Variants in SIK3 observed in about 807,000 individuals in gnomAD.
SIK3 encodes the protein SIK family kinase 3.
In SIK3, 28 loss-of-function variants were observed where a neutral mutation model predicts 144.2. That is an observed-to-expected ratio of 0.19 (90% CI 0.14 to 0.27). The LOEUF is 0.27. Among genes scored for constraint, SIK3 ranks in the 10% least tolerant of loss-of-function variants. The pLI is 1.00. For synonymous variants in SIK3, 686 were observed against 676.3 expected, an observed-to-expected ratio of 1.01 and a Z score of -0.22; for missense variants, 1,319 against 1,776.0, an observed-to-expected ratio of 0.74 and a Z score of 4.62.
chr11:116,954,147 T>C, intron 2 of SIK3, 40 bp from the exon 3 acceptor site: 1 of 1,547,410 alleles, frequency 6.5e-7, no homozygotes, highest in Non-Finnish European at 8.9e-7. Flanking sequence ...GTGACACAAA[T>C]GACAGGCTGA....
chr11:117,001,220 C>T (rs1310468732), intron 1 of SIK3, among the ~76,000 whole-genome samples: 2 of 152,168 alleles, frequency 1.3e-5, no homozygotes, highest in Non-Finnish European at 2.9e-5. Context: ...AAAAAGTAAT[C>T]TGAGGCCAGG....
At chr11:116,862,176 G>A in intron 17 of SIK3, 26 bp downstream of exon 17, 1 of 1,614,136 alleles carries the variant, frequency 6.2e-7, no homozygotes, top group Non-Finnish European at 8.5e-7. Context: ...CAAACAAGTT[G>A]GAGAAAGCAA....
intron 1 of SIK3, among the ~76,000 whole-genome samples, chr11:116,997,531 T>A (rs975905410): frequency 6.6e-6 from 1 of 152,230 alleles, no homozygotes; most frequent in Admixed American, 6.5e-5. Flanking sequence ...ATAAAAGGAA[T>A]AAAATATACA....
chr11:116,917,511 C>A (rs559747436), intron 4 of SIK3, among the ~76,000 whole-genome samples: 118 of 152,072 alleles, frequency 7.8e-4, no homozygotes, highest in African/African-American at 2.8e-3. Context: ...AAGTTCAGGA[C>A]CAGCCTGAGC....
At chr11:116,986,698 A>G (rs994708536) in intron 1 of SIK3, among the ~76,000 whole-genome samples, 1 of 152,228 alleles carries the variant, frequency 6.6e-6, no homozygotes, top group East Asian at 1.9e-4. Context: ...TATTGTCATC[A>G]TCCTCAAACA....
intron 1 of SIK3, among the ~76,000 whole-genome samples, chr11:117,084,260 GT>G (rs930067933): frequency 1.4e-4 from 21 of 151,922 alleles, no homozygotes; most frequent in Admixed American, 6.6e-4. Context: ...AAGTTTTTTG[GT>G]TTTTTTGTGG....
chr11:116,953,695 C>CA (rs1409717275), intron 3 of SIK3, among the ~76,000 whole-genome samples: 8 of 152,256 alleles, frequency 5.3e-5, no homozygotes, highest in Admixed American at 5.2e-4. Context: ...CAGAGGCCCA[C>CA]ACACTTGTGT....
At chr11:116,957,444 T>A (rs547901973) in intron 1 of SIK3, among the ~76,000 whole-genome samples, 4 of 152,230 alleles carry the variant, frequency 2.6e-5, no homozygotes, top group South Asian at 2.1e-4. Context: ...AAATAAAAAA[T>A]TTTTAAAAAG....
chr11:116,989,061 G>A (rs970526922), intron 1 of SIK3, among the ~76,000 whole-genome samples: 25 of 152,124 alleles, frequency 1.6e-4, no homozygotes, highest in African/African-American at 6.0e-4. Context: ...TGTATTTGGT[G>A]GTAATAATGG....
chr11:117,097,846 C>A (rs1171098287), intron 1 of SIK3, among the ~76,000 whole-genome samples: 1 of 152,084 alleles, frequency 6.6e-6, no homozygotes, highest in Non-Finnish European at 1.5e-5. Flanking sequence ...GTTCCGACCC[C>A]TTCTTTCCAA....
chr11:117,078,005 T>G (rs1440378023), intron 1 of SIK3, among the ~76,000 whole-genome samples: 2 of 152,188 alleles, frequency 1.3e-5, no homozygotes, highest in Non-Finnish European at 2.9e-5. Context: ...ACAGAATGGG[T>G]AATCATGTGA....
chr11:116,975,037 C>T (rs1949896830), intron 1 of SIK3, among the ~76,000 whole-genome samples: 1 of 152,040 alleles, frequency 6.6e-6, no homozygotes, highest in African/African-American at 2.4e-5. Flanking sequence ...GTTAAAGATA[C>T]CTGAAACTCT....
At chr11:116,896,011 TGAG>T (rs944777227) in intron 6 of SIK3, among the ~76,000 whole-genome samples, 4 of 152,192 alleles carry the variant, frequency 2.6e-5, no homozygotes, top group African/African-American at 9.6e-5. Flanking sequence ...AATTTATAGA[TGAG>T]GACACTAAAG....
At chr11:116,949,550 G>A (rs1436435311) in intron 3 of SIK3, among the ~76,000 whole-genome samples, 4 of 152,174 alleles carry the variant, frequency 2.6e-5, no homozygotes, top group African/African-American at 9.7e-5. Context: ...GTCTCCCTAT[G>A]TTGCCTATGC....
Position 116,874,061 on chromosome 11 carries a change from T to A in SIK3, c.1428-5A>T. 6.2e-7 allele frequency: 1 copy of A among 1,612,588 alleles called. No homozygotes were observed. On this transcript the variant is annotated splice_region_variant and splice_polypyrimidine_tract_variant and intron_variant, in intron 11 of 24. Coordinates refer to ENST00000445177, the MANE Select transcript of SIK3 (RefSeq NM_001366686.3). ...AGATCTTCCATAACTTCCGTGCTGA[T>A]ACAAAACAGAATGACAGAGAAGTTT...
intron 4 of SIK3, among the ~76,000 whole-genome samples, chr11:116,915,815 T>C (rs1946606063): frequency 6.6e-6 from 1 of 152,236 alleles, no homozygotes; most frequent in Non-Finnish European, 1.5e-5. Flanking sequence ...ATTAGTGTTC[T>C]TTATGCTTTA....
At chr11:116,951,071 G>A (rs1009886364) in intron 3 of SIK3, among the ~76,000 whole-genome samples, 1 of 152,084 alleles carries the variant, frequency 6.6e-6, no homozygotes, top group African/African-American at 2.4e-5. Flanking sequence ...CTATATATGC[G>A]ATCTCATTTA....
rs1215816274 is a variant in SIK3 at position 117,098,263 on chromosome 11, TG to T, written c.152del (p.Pro51GlnfsTer47). The part of the protein sequence containing the change: ...VSPAAGQPRP[P>X]APASRGPMPA... ...GCATGGGTCCGCGGGAGGCCGGGGC[TG>T]GGGGACGCGGCTGGCCGGCCGCAGG... On this transcript the variant is annotated frameshift_variant, in exon 1 of 25. Coordinates refer to ENST00000445177, the MANE Select transcript of SIK3 (RefSeq NM_001366686.3). LOFTEE classifies it high-confidence loss of function. The T allele has an allele frequency of 3.6e-6, 5 of 1,403,256 alleles. No individual in the cohort carries two copies. The highest frequency in any genetic ancestry group is 3.7e-6 in the Non-Finnish European group (4 of 1,070,438). 86.9% of individuals were successfully genotyped at this position (1,403,256 alleles called of 1,614,324 possible). A position where few individuals can be genotyped will look rare whatever the true frequency, so the allele number is the denominator to read the frequency against.
intron 4 of SIK3, among the ~76,000 whole-genome samples, chr11:116,920,559 G>C (rs964223864): frequency 6.6e-6 from 1 of 152,128 alleles, no homozygotes; most frequent in Non-Finnish European, 1.5e-5. Flanking sequence ...GTTCCAAGGG[G>C]TTATCTTACT....
Sources: allele counts gnomAD v4.1 joint callset (sites outside exome capture counted in the v4.1 genomes callset), GRCh38; gene constraint gnomAD v4.1.1; transcripts MANE v1.5; gene names NCBI Gene and HGNC (gene_info 2026-07-23, HGNC 2026-07-21).